PPP2R2C: variants seen among roughly 807,000 people sequenced by gnomAD.
PPP2R2C encodes the protein protein phosphatase 2, regulatory subunit B, gamma.
A neutral mutation model predicts 45.3 loss-of-function variants in PPP2R2C; 10 were observed. The observed-to-expected ratio is 0.22, with a 90% CI of 0.14 to 0.37. PPP2R2C has a LOEUF of 0.37. Ranked by LOEUF, PPP2R2C falls within the 10% of genes least tolerant of loss-of-function variation. PPP2R2C has a pLI of 1.00. For missense variants in PPP2R2C, 308 were observed against 619.7 expected, an observed-to-expected ratio of 0.50 and a Z score of 5.34; for synonymous variants, 257 against 245.4, an observed-to-expected ratio of 1.05 and a Z score of -0.44.
At chr4:6,456,803 G>C (rs1001348319) in intron 1 of PPP2R2C, among the ~76,000 whole-genome samples, 5 of 152,210 alleles carry the variant, frequency 3.3e-5, no homozygotes, top group African/African-American at 1.2e-4. Flanking sequence ...CCCCAGCCAG[G>C]GTTTGAAACA....
rs146443174 is a variant in PPP2R2C at position 6,405,220 on chromosome 4, G to A, written c.71-24126C>T. 6.6e-3 allele frequency among the ~76,000 whole-genome samples: 1,007 copies of A among 152,258 alleles called. 11 individuals are homozygous for A. The highest frequency in any genetic ancestry group is 0.022 in the African/African-American group (898 of 41,524). On this transcript the variant is annotated intron_variant, in intron 1 of 8. Coordinates refer to ENST00000382599, the MANE Select transcript of PPP2R2C (RefSeq NM_020416.4). Reference sequence around the variant, plus strand: ...CGTTTTACAGATGAGGAAGCCAAGCGAGCGGGTTCCCCAGGTCGCAGAACT... The same window carrying A: ...CGTTTTACAGATGAGGAAGCCAAGCAAGCGGGTTCCCCAGGTCGCAGAACT...
At chr4:6,436,533 G>A (rs1028099921) in intron 1 of PPP2R2C, among the ~76,000 whole-genome samples, 1 of 152,218 alleles carries the variant, frequency 6.6e-6, no homozygotes, top group African/African-American at 2.4e-5. Context: ...ATTTCCAAAA[G>A]GAGAAAAGAG....
intron 2 of PPP2R2C, among the ~76,000 whole-genome samples, chr4:6,529,551 T>G (rs1042740313): frequency 1.3e-5 from 2 of 152,214 alleles, no homozygotes; most frequent in Non-Finnish European, 2.9e-5. Context: ...CTCAGCCCTG[T>G]GCCCCCATGG....
intron 6 of PPP2R2C, among the ~76,000 whole-genome samples, chr4:6,344,272 G>A (rs900261565): frequency 6.6e-6 from 1 of 152,230 alleles, no homozygotes; most frequent in Non-Finnish European, 1.5e-5. Context: ...GGAGCTGGGG[G>A]TGAAGAATGA....
intron 1 of PPP2R2C, chr4:6,382,219 A>G: frequency 4.2e-6 from 5 of 1,203,872 alleles, no homozygotes; most frequent in Non-Finnish European, 5.3e-6. Context: ...CCCAAGCAGC[A>G]AAAGCTAGTA....
At chr4:6,383,213 G>T in intron 1 of PPP2R2C, 2 of 1,193,310 alleles carry the variant, frequency 1.7e-6, no homozygotes, top group Non-Finnish European at 1.1e-6. Context: ...TGAGGGGGAG[G>T]AGGAAGAGTG....
At position 6,472,319 on chromosome 4, in the gene PPP2R2C, C is replaced by T; in HGVS notation, c.-90G>A. The T allele has an allele frequency of 6.4e-7, 1 of 1,569,050 alleles. No homozygotes were observed. Among genetic ancestry groups the T allele is most frequent in the Non-Finnish European group, 8.6e-7 (1 of 1,158,366 alleles). On this transcript the variant is annotated 5_prime_UTR_variant, in exon 1 of 9. Transcript: ENST00000382599. ...CGCGCCGGGCGCGCGGGCCATGCCG[C>T]CGCAGCCTAGCAGGGGCGCGGGCCG...
intron 1 of PPP2R2C, among the ~76,000 whole-genome samples, chr4:6,438,056 A>G (rs2109421970): frequency 6.6e-6 from 1 of 152,362 alleles, no homozygotes; most frequent in African/African-American, 2.4e-5. Context: ...GGTCTTTGCC[A>G]GAGTTCTCAT....
intron 1 of PPP2R2C, among the ~76,000 whole-genome samples, chr4:6,465,504 A>G (rs999838404): frequency 1.8e-4 from 27 of 152,334 alleles, no homozygotes; most frequent in African/African-American, 6.3e-4. Context: ...CAACCCTATA[A>G]TTCGTGGGGC....
chr4:6,495,313 T>A lies in PPP2R2C; in HGVS notation c.49+39958A>T, dbSNP rs1320462563. On this transcript the variant is annotated intron_variant, in intron 2 of 9. Coordinates refer to the PPP2R2C transcript ENST00000506140. ...GCTATCGAGGAGGCTGGAAGGACAG[T>A]TGGCCCCAGAACACAGCAGCTGGGG... is the stretch of plus-strand genomic sequence containing the variant. Among the ~76,000 whole-genome samples, 7 of 152,200 alleles carry A rather than the reference T, an allele frequency of 4.6e-5. 1 individual carries two copies. The highest frequency in any genetic ancestry group is 7.2e-5 in the African/African-American group (3 of 41,452).
At chr4:6,350,006 T>G in intron 5 of PPP2R2C, 1 of 985,408 alleles carries the variant, frequency 1.0e-6, no homozygotes, top group East Asian at 1.1e-4. Flanking sequence ...GTCTCTGTGC[T>G]CGTGCTCAAA....
chr4:6,534,138 AC>A (rs56867435), intron 2 of PPP2R2C, among the ~76,000 whole-genome samples: 2,400 of 151,444 alleles, frequency 0.016, 66 homozygotes, highest in African/African-American at 0.055. Context: ...ATACACTAAC[AC>A]ACACACCAAC....
intron 4 of PPP2R2C, among the ~76,000 whole-genome samples, chr4:6,372,966 T>A (rs1331187678): frequency 6.6e-6 from 1 of 152,156 alleles, no homozygotes; most frequent in Admixed American, 6.5e-5. Flanking sequence ...AACTCTAAAA[T>A]GAAACAAAAA....
Position 6,492,411 on chromosome 4 carries a change from G to A in PPP2R2C, c.49+42860C>T, listed in dbSNP as rs376989719. ...GTGGTGCTGAAGACTTGATGGGGTA[G>A]GGGATGCTATAAGAGCCTCCCCCCG... On this transcript the variant is annotated intron_variant, in intron 2 of 9. Coordinates refer to the PPP2R2C transcript ENST00000506140. Among the ~76,000 whole-genome samples, 37 of 152,354 alleles carry A rather than the reference G, an allele frequency of 2.4e-4. 1 individual carries two copies. The highest frequency in any genetic ancestry group is 8.4e-4 in the African/African-American group (35 of 41,588).
chr4:6,389,282 G>C (rs1194743102), intron 1 of PPP2R2C, among the ~76,000 whole-genome samples: 1 of 152,184 alleles, frequency 6.6e-6, no homozygotes, highest in Non-Finnish European at 1.5e-5. Flanking sequence ...TGCTCGTCAC[G>C]GACTTCCTCC....
chr4:6,534,243 A>C (rs1238839373), intron 2 of PPP2R2C, among the ~76,000 whole-genome samples: 1 of 150,744 alleles, frequency 6.6e-6, no homozygotes, highest in African/African-American at 2.4e-5. Flanking sequence ...ACCAACACAC[A>C]TACACACACA....
At chr4:6,390,666 A>C (rs1158378881) in intron 1 of PPP2R2C, among the ~76,000 whole-genome samples, 1 of 152,160 alleles carries the variant, frequency 6.6e-6, no homozygotes, top group Non-Finnish European at 1.5e-5. Context: ...GATCAGAAAG[A>C]CGAAGACCTC....
At chr4:6,555,111 C>T (rs758354778) in intron 1 of PPP2R2C, among the ~76,000 whole-genome samples, 2 of 152,214 alleles carry the variant, frequency 1.3e-5, no homozygotes, top group East Asian at 1.9e-4. Context: ...TCAAGGATGG[C>T]GCCTTCTCAC....
At chr4:6,437,447 C>T (rs1009798258) in intron 1 of PPP2R2C, among the ~76,000 whole-genome samples, 1 of 152,236 alleles carries the variant, frequency 6.6e-6, no homozygotes, top group African/African-American at 2.4e-5. Context: ...GATGGGGGAA[C>T]TACAGCCAGA....
Sources: gnomAD v4.1 joint callset for allele counts (sites outside exome capture counted in the v4.1 genomes callset) on GRCh38, gnomAD v4.1.1 for gene constraint, MANE v1.5 for transcripts, NCBI Gene and HGNC (gene_info 2026-07-23, HGNC 2026-07-21) for gene names.